The following NAA25 variants were observed in gnomAD, a reference collection of about 807,000 sequenced individuals.
NAA25 encodes the protein N-alpha-acetyltransferase 25, NatB auxiliary subunit.
Under a neutral mutation model 132.5 loss-of-function variants are expected in NAA25, and 30 were observed. That is an observed-to-expected ratio of 0.23 (90% CI 0.17 to 0.31). NAA25 has a LOEUF of 0.31. Ranked by LOEUF, NAA25 falls within the 10% of genes least tolerant of loss-of-function variation. NAA25 has a pLI of 1.00. For synonymous variants in NAA25, 359 were observed against 401.9 expected, an observed-to-expected ratio of 0.89 and a Z score of 1.28; for missense variants, 771 against 1,150.4, an observed-to-expected ratio of 0.67 and a Z score of 4.77.
intron 3 of NAA25, among the ~76,000 whole-genome samples, chr12:112,089,399 T>C (rs1460829833): frequency 6.6e-6 from 1 of 152,204 alleles, no homozygotes; most frequent in Non-Finnish European, 1.5e-5. Context: ...TTATCTTGCT[T>C]TAAGCTAAAC....
intron 1 of NAA25, among the ~76,000 whole-genome samples, chr12:112,100,364 T>C (rs1282075039): frequency 6.6e-6 from 1 of 152,042 alleles, no homozygotes; most frequent in Non-Finnish European, 1.5e-5. Flanking sequence ...GGTTTCACCA[T>C]GTTGGCCAGG....
At chr12:112,037,166 T>A (rs1179136260) in intron 22 of NAA25, among the ~76,000 whole-genome samples, 1 of 151,394 alleles carries the variant, frequency 6.6e-6, no homozygotes, top group African/African-American at 2.4e-5. Flanking sequence ...TAGCCAAATT[T>A]GGCATAATTT....
intron 7 of NAA25, among the ~76,000 whole-genome samples, chr12:112,077,013 CA>C (rs927211728): frequency 5.5e-5 from 8 of 144,962 alleles, no homozygotes; most frequent in African/African-American, 2.1e-4. Flanking sequence ...ACAACAACAA[CA>C]AAAAAAAACA....
At chr12:112,083,343 A>G (rs1355634538) in intron 4 of NAA25, among the ~76,000 whole-genome samples, 1 of 152,152 alleles carries the variant, frequency 6.6e-6, no homozygotes, top group Non-Finnish European at 1.5e-5. Flanking sequence ...CAACTCTACT[A>G]AAAATATGAA....
chr12:112,076,014 C>G (rs2078891268), intron 7 of NAA25, among the ~76,000 whole-genome samples: 1 of 152,142 alleles, frequency 6.6e-6, no homozygotes, highest in African/African-American at 2.4e-5. Flanking sequence ...TCCCAAGTAG[C>G]TGGGATTACA....
chr12:112,047,812 A>T (rs2078410442), intron 16 of NAA25, 22 bp from the exon 17 acceptor site: 3 of 1,578,154 alleles, frequency 1.9e-6, no homozygotes, highest in South Asian at 1.2e-5. Context: ...AAAAATCCAC[A>T]TATTATTTTA....
rs1021767566 is a variant in NAA25, at chr12:112,033,180, C to A, written c.2796+53G>T. 5 of 1,498,834 alleles carry A rather than the reference C, an allele frequency of 3.3e-6. No homozygotes were observed. The African/African-American group carries it at 4.2e-5, about 13-fold the overall frequency. 92.8% of individuals were successfully genotyped at this position (1,498,834 alleles called of 1,614,324 possible). A position where few individuals can be genotyped will look rare whatever the true frequency, so the allele number is the denominator to read the frequency against. ...TTGTGATAAAGATGAGAGAGAGAGA[C>A]AGAGTGTTTGTGTGTGTGTAGAAAA... On this transcript the variant is annotated intron_variant, in intron 23 of 23. Transcript: ENST00000261745.
intron 1 of NAA25, among the ~76,000 whole-genome samples, chr12:112,094,035 C>T (rs1240843615): frequency 6.6e-6 from 1 of 151,780 alleles, no homozygotes; most frequent in Non-Finnish European, 1.5e-5. Context: ...GTCAGGAGAT[C>T]GAGACCATCC....
chr12:112,065,648 G>GC (rs1016849476), intron 11 of NAA25: 2 of 152,098 alleles, frequency 1.3e-5, no homozygotes, highest in African/African-American at 4.8e-5. Flanking sequence ...GGGCGACAGA[G>GC]CAAGACTCTA....
Position 112,042,104 on chromosome 12 carries a change from T to C in NAA25, c.2375A>G (p.Glu792Gly). Residue 792 changes from glutamate to glycine, a missense_variant and splice_region_variant, in exon 20 of 24, where the codon GAG becomes GGG. Physicochemically the swap from Glu to Gly is moderately conservative, Grantham distance 98. Around this residue, in one of 3 missense-constraint regions of NAA25, gnomAD observed 324 missense variants for 400.0 expected, o/e 0.81. Coordinates refer to ENST00000261745, the MANE Select transcript of NAA25 (RefSeq NM_024953.4). ...TCGTTCCTGAATCTCCATTGTATCCTCTAAAATTGAAAAACAAAAAATGAA... is the reference window on the plus strand; with the variant it reads ...TCGTTCCTGAATCTCCATTGTATCCCCTAAAATTGAAAAACAAAAAATGAA... Reference protein sequence around the residue: ...DIYELDTSGLEDTMEIQERIE... With the variant: ...DIYELDTSGLGDTMEIQERIE... 1.4e-6 allele frequency: 2 copies of C among 1,444,096 alleles called. No individual in the cohort carries two copies. The highest frequency in any genetic ancestry group is 1.8e-6 in the Non-Finnish European group (2 of 1,088,100). 89.5% of individuals were successfully genotyped at this position (1,444,096 alleles called of 1,614,324 possible).
chr12:112,073,234 C>T (rs549154799), intron 9 of NAA25, among the ~76,000 whole-genome samples: 2 of 148,418 alleles, frequency 1.3e-5, no homozygotes, highest in African/African-American at 2.5e-5. Flanking sequence ...GACCCTGTCT[C>T]AAAAAAAACA....
chr12:112,048,229 T>A, intron 16 of NAA25, 63 bp downstream of exon 16: 1 of 1,512,480 alleles, frequency 6.6e-7, no homozygotes. Context: ...CATGAGCCCA[T>A]TAATGGCTCT....
Position 112,087,725 on chromosome 12 carries a change from G to T in NAA25, c.360C>A (p.Phe120Leu). 1 of 1,614,128 alleles carries T rather than the reference G, an allele frequency of 6.2e-7. No individual in the cohort carries two copies. Among genetic ancestry groups the T allele is most frequent in the Non-Finnish European group, 8.5e-7 (1 of 1,179,962 alleles). ...ATTCACCCACTCTGGCATAGGCCATGAAGAGGTGAGAGTGATACTCCTCAC... is the reference window on the plus strand; with the variant it reads ...ATTCACCCACTCTGGCATAGGCCATTAAGAGGTGAGAGTGATACTCCTCAC... ...PNSEEYHSHL[F>L]MAYARVGEYK... Residue 120 changes from phenylalanine (F) to leucine (L), a missense_variant, in exon 4 of 24, where the codon TTC becomes TTA. Physicochemically the swap from Phe to Leu is conservative, Grantham distance 22. Transcript: ENST00000261745.
At chr12:112,042,828 C>A (rs1414481639) in intron 19 of NAA25, among the ~76,000 whole-genome samples, 3 of 152,170 alleles carry the variant, frequency 2.0e-5, no homozygotes, top group Non-Finnish European at 2.9e-5. Flanking sequence ...TTTTAAAATC[C>A]AACAGCCTTT....
chr12:112,040,014 A>G (rs2078280575), intron 21 of NAA25: 1 of 155,208 alleles, frequency 6.4e-6, no homozygotes, highest in African/African-American at 2.4e-5. Context: ...AAATAAAAGA[A>G]AAGATAATAG....
chr12:112,102,305 C>T (rs182854627), intron 1 of NAA25, among the ~76,000 whole-genome samples: 175 of 151,982 alleles, frequency 1.2e-3, no homozygotes, highest in African/African-American at 4.0e-3. Flanking sequence ...CTCAGGAGGT[C>T]GAAGCTGCAG....
intron 23 of NAA25, among the ~76,000 whole-genome samples, 189 bp from the exon 24 acceptor site, chr12:112,029,842 G>A (rs907742584): frequency 9.9e-5 from 15 of 152,166 alleles, no homozygotes; most frequent in African/African-American, 2.6e-4. Flanking sequence ...GGTATTTTTC[G>A]ATGTGATTCT....
chr12:112,076,344 T>G lies in NAA25; in HGVS notation c.665-555A>C, dbSNP rs1423795601. On this transcript the variant is annotated intron_variant, in intron 7 of 23. Coordinates refer to ENST00000261745, the MANE Select transcript of NAA25 (RefSeq NM_024953.4). ...CTTTGTAAAAGGATAGGTTTCACAA[T>G]GTATTGGGTTGAACATCTATTAATA... Among the ~76,000 whole-genome samples the G allele has an allele frequency of 2.6e-5, 4 of 152,352 alleles. No individual in the cohort carries two copies. The South Asian group carries it at 6.2e-4, about 24-fold the overall frequency.
chr12:112,085,060 T>C (rs991675577), intron 4 of NAA25, among the ~76,000 whole-genome samples: 1 of 152,096 alleles, frequency 6.6e-6, no homozygotes. Context: ...TGAAACCCCA[T>C]CTCTACTAAA....
Sources: gnomAD v4.1 joint callset for allele counts (sites outside exome capture counted in the v4.1 genomes callset) on GRCh38, gnomAD v4.1.1 for gene constraint, gnomAD v4.1.1 regional missense constraint, MANE v1.5 for transcripts, NCBI Gene and HGNC (gene_info 2026-07-23, HGNC 2026-07-21) for gene names.